The following LARGE1 variants were observed in gnomAD, a reference collection of about 807,000 sequenced individuals.
LARGE1 encodes xylosyl- and glucuronyltransferase LARGE1.
Under a neutral mutation model 87.6 loss-of-function variants are expected in LARGE1, and 43 were observed. The ratio of observed to expected loss-of-function variants is 0.49; its 90% CI spans 0.38 to 0.63. LARGE1 has a LOEUF of 0.63. Among genes scored for constraint, LARGE1 ranks in the 30% least tolerant of loss-of-function variants. The probability of loss-of-function intolerance (pLI) is 0.00; values close to 1 mark genes in which losing one functional copy is unlikely to be tolerated. For synonymous variants in LARGE1, 434 were observed against 394.6 expected, an observed-to-expected ratio of 1.10 and a Z score of -1.18; for missense variants, 802 against 1,000.2, an observed-to-expected ratio of 0.80 and a Z score of 2.67.
chr22:33,257,379 A>C (rs1016781341), intron 11 of LARGE1, among the ~76,000 whole-genome samples: 1 of 152,084 alleles, frequency 6.6e-6, no homozygotes, highest in East Asian at 1.9e-4. Flanking sequence ...CAAAAAATAC[A>C]AAAACTAGGT....
intron 7 of LARGE1, among the ~76,000 whole-genome samples, chr22:33,392,407 C>G (rs1412693870): frequency 6.6e-6 from 1 of 152,058 alleles, no homozygotes; most frequent in African/African-American, 2.4e-5. Flanking sequence ...GCCTGTGATC[C>G]CAGCACTTTG....
chr22:33,887,126 T>C (rs1236863087), intron 1 of LARGE1, among the ~76,000 whole-genome samples: 4 of 152,142 alleles, frequency 2.6e-5, no homozygotes, highest in Non-Finnish European at 5.9e-5. Flanking sequence ...CACGTGAACA[T>C]CGAATGAGTT....
chr22:33,204,891 A>G (rs1228578347), intron 11 of LARGE1, among the ~76,000 whole-genome samples: 2 of 152,126 alleles, frequency 1.3e-5, no homozygotes, highest in Non-Finnish European at 1.5e-5. Context: ...AGCAACACCA[A>G]GGAGGTATAC....
At chr22:33,666,744 T>C (rs2081277740) in intron 2 of LARGE1, among the ~76,000 whole-genome samples, 2 of 152,158 alleles carry the variant, frequency 1.3e-5, no homozygotes, top group Non-Finnish European at 2.9e-5. Context: ...AATGGTTAAT[T>C]CACAGTTTCT....
chr22:33,066,805 G>A, the LARGE1 span, among the ~76,000 whole-genome samples: 1 of 152,214 alleles, frequency 6.6e-6, no homozygotes, highest in African/African-American at 2.4e-5. Context: ...TTTGTACCCT[G>A]TGTGTTGCGG....
chr22:33,425,072 A>T (rs980735537), intron 7 of LARGE1, among the ~76,000 whole-genome samples: 12 of 151,990 alleles, frequency 7.9e-5, no homozygotes, highest in African/African-American at 1.5e-4. Context: ...GACCAGCCTG[A>T]TCAACGTGGT....
At chr22:33,663,964 C>T (rs2081199752) in intron 2 of LARGE1, among the ~76,000 whole-genome samples, 1 of 151,942 alleles carries the variant, frequency 6.6e-6, no homozygotes, top group African/African-American at 2.4e-5. Context: ...TCCAATCTGC[C>T]CAGGGTGAGT....
At chr22:33,314,859 A>T (rs924509706) in intron 11 of LARGE1, among the ~76,000 whole-genome samples, 4 of 152,306 alleles carry the variant, frequency 2.6e-5, no homozygotes, top group African/African-American at 9.6e-5. Flanking sequence ...GCCCTGGCTG[A>T]GTGACCTTGG....
the LARGE1 span, among the ~76,000 whole-genome samples, chr22:33,139,819 G>C: frequency 4.7e-4 from 72 of 152,308 alleles, no homozygotes; most frequent in African/African-American, 1.6e-3. Context: ...TCCAAAGCAA[G>C]TTAGCTCCTT....
intron 9 of LARGE1, among the ~76,000 whole-genome samples, chr22:33,380,398 C>G (rs1407342601): frequency 6.6e-6 from 1 of 152,138 alleles, no homozygotes; most frequent in East Asian, 1.9e-4. Flanking sequence ...AAAAAAAGTT[C>G]TTTCTTTCTA....
chr22:33,120,382 C>CTTTCTT, the LARGE1 span, among the ~76,000 whole-genome samples: 1 of 93,022 alleles, frequency 1.1e-5, no homozygotes, highest in Non-Finnish European at 2.0e-5. Context: ...TTCTTTCTTT[C>CTTTCTT]TTTCTTTCTT....
chr22:33,413,580 T>C (rs1178943685), intron 7 of LARGE1, among the ~76,000 whole-genome samples: 1 of 152,124 alleles, frequency 6.6e-6, no homozygotes, highest in African/African-American at 2.4e-5. Context: ...TTCTCCTGCC[T>C]CAGCCTCCTG....
At chr22:33,799,427 C>T (rs887300804) in intron 1 of LARGE1, among the ~76,000 whole-genome samples, 6 of 151,894 alleles carry the variant, frequency 4.0e-5, no homozygotes, top group Non-Finnish European at 7.4e-5. Flanking sequence ...TTTTTGTAAA[C>T]ATATACAGAT....
intron 9 of LARGE1, among the ~76,000 whole-genome samples, chr22:33,348,289 C>CCCCCA (rs1569081859): frequency 1.2e-4 from 15 of 124,156 alleles, no homozygotes; most frequent in East Asian, 2.7e-4. Context: ...CACCCCCCCC[C>CCCCCA]AAAAAAAAAG....
intron 1 of LARGE1, among the ~76,000 whole-genome samples, chr22:33,872,767 G>A (rs1280243079): frequency 1.3e-5 from 2 of 152,194 alleles, no homozygotes; most frequent in African/African-American, 4.8e-5. Context: ...GGAGGCTGAG[G>A]CGGGTGGATG....
At chr22:33,526,045 C>G (rs2071876765) in intron 6 of LARGE1, among the ~76,000 whole-genome samples, 1 of 152,122 alleles carries the variant, frequency 6.6e-6, no homozygotes, top group African/African-American at 2.4e-5. Flanking sequence ...TATCTATCAA[C>G]TGATGAAAGC....
chr22:33,394,738 TG>T (rs2065665294), intron 7 of LARGE1, among the ~76,000 whole-genome samples: 1 of 147,976 alleles, frequency 6.8e-6, no homozygotes, highest in African/African-American at 2.6e-5. Flanking sequence ...TGTGTGTGTG[TG>T]TGTGTATGTG....
intron 1 of LARGE1, among the ~76,000 whole-genome samples, chr22:33,777,242 G>A (rs1411382622): frequency 6.6e-6 from 1 of 152,108 alleles, no homozygotes; most frequent in Non-Finnish European, 1.5e-5. Context: ...AATGGGACTG[G>A]GACAGGACTT....
At chr22:33,278,036 T>C (rs1929681686) in intron 13 of LARGE1, among the ~76,000 whole-genome samples, 1 of 152,214 alleles carries the variant, frequency 6.6e-6, no homozygotes, top group South Asian at 2.1e-4. Flanking sequence ...GTACATTATA[T>C]GGCAGAAGGG....
Sources: gnomAD v4.1 joint callset for allele counts (sites outside exome capture counted in the v4.1 genomes callset) on GRCh38, gnomAD v4.1.1 for gene constraint, MANE v1.5 for transcripts, NCBI Gene and HGNC (gene_info 2026-07-23, HGNC 2026-07-21) for gene names.